The following GNG4 variants were observed in gnomAD, a reference collection of about 807,000 sequenced individuals.
GNG4 encodes the protein G protein subunit gamma 4, also known as guanine nucleotide-binding protein G(I)/G(S)/G(O) subunit gamma-4.
GNG4 carries 4 observed loss-of-function variants against 5.8 expected under a neutral mutation model. That is an observed-to-expected ratio of 0.69 (90% CI 0.34 to 1.57). The LOEUF (loss-of-function observed/expected upper bound fraction) is 1.57, where lower values mean the gene tolerates loss of function less well. Ranked by LOEUF, GNG4 falls within the 40% of genes most tolerant of loss-of-function variation. The probability of loss-of-function intolerance (pLI) is 0.06; values close to 1 mark genes in which losing one functional copy is unlikely to be tolerated. For missense variants in GNG4, 96 were observed against 95.1 expected, an observed-to-expected ratio of 1.01 and a Z score of -0.04; for synonymous variants, 29 against 32.9, an observed-to-expected ratio of 0.88 and a Z score of 0.41.
At chr1:235,627,838 T>G (rs1187903951) in intron 1 of GNG4, among the ~76,000 whole-genome samples, 1 of 152,162 alleles carries the variant, frequency 6.6e-6, no homozygotes. Context: ...TTTTGTGATA[T>G]CAACCAATAC....
At chr1:235,570,224 CT>C (rs1687298565) in intron 3 of GNG4, among the ~76,000 whole-genome samples, 4 of 152,136 alleles carry the variant, frequency 2.6e-5, no homozygotes, top group Admixed American at 2.6e-4. Context: ...GACACTCCAT[CT>C]GTTTCTTTTG....
intron 3 of GNG4, among the ~76,000 whole-genome samples, chr1:235,572,344 C>T (rs541494211): frequency 5.9e-5 from 9 of 152,012 alleles, no homozygotes; most frequent in African/African-American, 1.2e-4. Context: ...GAATTACAGG[C>T]GCTCGCTACC....
At position 235,567,688 on chromosome 1, in the gene GNG4, C is replaced by T. The variant is rs979655033; in HGVS notation, c.100-15451G>A. 5.3e-5 allele frequency among the ~76,000 whole-genome samples: 8 copies of T among 152,324 alleles called. 2 individuals are homozygous for T. Among genetic ancestry groups the T allele is most frequent in the African/African-American group, 2.4e-5 (1 of 41,564 alleles). On this transcript the variant is annotated intron_variant, in intron 3 of 3. Transcript: ENST00000391854. The stretch of plus-strand genomic sequence containing the variant: ...AATTTTCTGTTTTAAGTATACACTA[C>T]ATTTTGTTTATCCATTTATCTGTTG...
chr1:235,619,627 T>C (rs2102975463), intron 1 of GNG4, among the ~76,000 whole-genome samples: 1 of 152,344 alleles, frequency 6.6e-6, no homozygotes, highest in Admixed American at 6.5e-5. Context: ...GATAGGATTA[T>C]GGTCCAGGTT....
intron 1 of GNG4, among the ~76,000 whole-genome samples, chr1:235,606,154 C>T (rs139114211): frequency 4.4e-4 from 67 of 151,658 alleles, no homozygotes; most frequent in East Asian, 1.8e-3. Context: ...CCGAGGTGGG[C>T]GGATCATGAA....
At chr1:235,618,319 T>C (rs1388280053) in intron 1 of GNG4, among the ~76,000 whole-genome samples, 2 of 152,142 alleles carry the variant, frequency 1.3e-5, no homozygotes, top group African/African-American at 4.8e-5. Flanking sequence ...GAATCCTTCG[T>C]TGAACTGAAT....
At chr1:235,621,352 C>CA (rs1688708190) in intron 1 of GNG4, among the ~76,000 whole-genome samples, 1 of 140,980 alleles carries the variant, frequency 7.1e-6, no homozygotes, top group Admixed American at 7.5e-5. Context: ...AGTGCAGTGG[C>CA]TCAATCTTGG....
intron 1 of GNG4, among the ~76,000 whole-genome samples, chr1:235,617,073 T>C (rs1313023266): frequency 2.0e-5 from 3 of 152,134 alleles, no homozygotes; most frequent in Non-Finnish European, 4.4e-5. Context: ...TTGAATCCTT[T>C]ACCTGACAAT....
chr1:235,601,589 T>C (rs961279494), intron 1 of GNG4, among the ~76,000 whole-genome samples: 2 of 152,190 alleles, frequency 1.3e-5, no homozygotes, highest in South Asian at 2.1e-4. Context: ...TGGGTGTATG[T>C]GGGCTGGCTG....
rs58505083 is a variant in GNG4 at position 235,637,496 on chromosome 1, T to C, written c.-123+12166A>G. On this transcript the variant is annotated intron_variant, in intron 1 of 3. Transcript: ENST00000391854. ...GGCGAAACCCCTTCTCTACGAAAAA[T>C]ACAAAAATTAGCTGGGCGCGGTGGC... Among the ~76,000 whole-genome samples, 282 of 149,780 alleles carry C rather than the reference T, an allele frequency of 1.9e-3. 2 individuals are homozygous for C. The highest frequency in any genetic ancestry group is 6.3e-3 in the African/African-American group (257 of 40,568).
intron 1 of GNG4, among the ~76,000 whole-genome samples, chr1:235,640,219 G>A (rs900360313): frequency 6.6e-6 from 1 of 152,250 alleles, no homozygotes; most frequent in Non-Finnish European, 1.5e-5. Context: ...CACGAGGAGC[G>A]GGAGAGGCTG....
At chr1:235,593,266 A>G (rs1284435736) in intron 2 of GNG4, among the ~76,000 whole-genome samples, 2 of 152,172 alleles carry the variant, frequency 1.3e-5, no homozygotes, top group African/African-American at 2.4e-5. Flanking sequence ...TAAAATTCTG[A>G]TGGGCTGCAT....
intron 3 of GNG4, among the ~76,000 whole-genome samples, chr1:235,578,622 G>T (rs2774330): frequency 2.0e-5 from 3 of 152,070 alleles, no homozygotes; most frequent in Admixed American, 2.0e-4. Flanking sequence ...TATTACTTGA[G>T]AAAATATGGG....
chr1:235,598,199 A>G (rs1452133070), intron 1 of GNG4, among the ~76,000 whole-genome samples: 1 of 152,214 alleles, frequency 6.6e-6, no homozygotes, highest in Non-Finnish European at 1.5e-5. Context: ...ACCCACCTCC[A>G]TGACCTTAGA....
intron 1 of GNG4, chr1:235,616,452 C>A: frequency 4.0e-6 from 1 of 248,168 alleles, no homozygotes; most frequent in East Asian, 1.3e-4. Context: ...CTGCCCGATC[C>A]CTGGCCTGAG....
At chr1:235,623,768 C>G (rs1237725881) in intron 1 of GNG4, among the ~76,000 whole-genome samples, 2 of 152,176 alleles carry the variant, frequency 1.3e-5, no homozygotes, top group African/African-American at 4.8e-5. Flanking sequence ...GCCACAGCAG[C>G]CCCCCTCATC....
chr1:235,608,692 T>A (rs1432508851), intron 1 of GNG4, among the ~76,000 whole-genome samples: 4 of 151,768 alleles, frequency 2.6e-5, no homozygotes, highest in Admixed American at 1.3e-4. Context: ...TTTTTATTTT[T>A]TTTTTTTTTG....
At chr1:235,565,376 C>T (rs1016124695) in intron 3 of GNG4, among the ~76,000 whole-genome samples, 6 of 152,146 alleles carry the variant, frequency 3.9e-5, no homozygotes, top group South Asian at 2.1e-4. Flanking sequence ...TGGTGATGGG[C>T]GCCTGTAATC....
At chr1:235,628,831 T>C (rs975141784) in intron 1 of GNG4, among the ~76,000 whole-genome samples, 24 of 152,190 alleles carry the variant, frequency 1.6e-4, no homozygotes, top group African/African-American at 5.8e-4. Context: ...CCTTTCTCTG[T>C]ATGGCTTCTC....
Sources: allele counts gnomAD v4.1 joint callset (sites outside exome capture counted in the v4.1 genomes callset), GRCh38; gene constraint gnomAD v4.1.1; transcripts MANE v1.5; gene names NCBI Gene and HGNC (gene_info 2026-07-23, HGNC 2026-07-21).